The following SLC8A3 variants were observed in gnomAD, a reference collection of about 807,000 sequenced individuals.
SLC8A3 encodes sodium/calcium exchanger 3.
SLC8A3 carries 37 observed loss-of-function variants against 65.4 expected under a neutral mutation model. The observed-to-expected ratio is 0.57, with a 90% CI of 0.44 to 0.74. The LOEUF (loss-of-function observed/expected upper bound fraction) is 0.74. Ranked by LOEUF, SLC8A3 falls within the 30% of genes least tolerant of loss-of-function variation. The pLI, the probability that SLC8A3 is intolerant of heterozygous loss-of-function variation, is 0.00. For missense variants in SLC8A3, 1,112 were observed against 1,172.1 expected (o/e 0.95, Z 0.75); for synonymous variants, 461 against 444.5 (o/e 1.04, Z -0.47).
Position 70,045,008 on chromosome 14 carries a change from C to T in SLC8A3, c.*939G>A, listed in dbSNP as rs1037719435. The T allele has an allele frequency of 1.3e-5, 2 of 152,188 alleles. No homozygotes were observed. The highest frequency in any genetic ancestry group is 2.9e-5 in the Non-Finnish European group (2 of 68,050). The allele number at this position is 152,188 out of a possible 1,614,324, so 9.4% of individuals were successfully genotyped here. A position where few individuals can be genotyped will look rare whatever the true frequency, so the allele number is the denominator to read the frequency against. On this transcript the variant is annotated 3_prime_UTR_variant, in exon 7 of 7. Transcript: ENST00000356921. The stretch of plus-strand genomic sequence containing the variant: ...CCAGTAGCCCTTTGTCGTCACACAC[C>T]ATTCCTATTTTTGTCCCATCTCTTC...
intron 2 of SLC8A3, among the ~76,000 whole-genome samples, chr14:70,075,023 A>G (rs1307603882): frequency 6.6e-6 from 1 of 150,632 alleles, no homozygotes; most frequent in Non-Finnish European, 1.5e-5. Flanking sequence ...CAAGGAAGAC[A>G]AGAGATTGTT....
intron 2 of SLC8A3, among the ~76,000 whole-genome samples, chr14:70,162,251 G>A (rs1046817593): frequency 2.0e-5 from 3 of 152,112 alleles, no homozygotes; most frequent in Non-Finnish European, 4.4e-5. Context: ...GATGGGAAAG[G>A]GCAGAGAGAA....
intron 2 of SLC8A3, among the ~76,000 whole-genome samples, chr14:70,150,390 C>G (rs1896194234): frequency 6.6e-6 from 1 of 152,206 alleles, no homozygotes; most frequent in Non-Finnish European, 1.5e-5. Flanking sequence ...TCATGCTGCT[C>G]TATTACCCCC....
At chr14:70,172,160 C>CG (rs1286028749) in intron 1 of SLC8A3, among the ~76,000 whole-genome samples, 8 of 152,258 alleles carry the variant, frequency 5.3e-5, no homozygotes, top group African/African-American at 1.4e-4. Flanking sequence ...TTCCCCCACC[C>CG]AGGACCACCC....
At chr14:70,174,232 G>A (rs550578015) in intron 1 of SLC8A3, among the ~76,000 whole-genome samples, 4 of 152,178 alleles carry the variant, frequency 2.6e-5, no homozygotes, top group African/African-American at 4.8e-5. Flanking sequence ...GGAGGCCCCC[G>A]ACAAGCTTGG....
intron 2 of SLC8A3, among the ~76,000 whole-genome samples, chr14:70,111,514 C>G (rs567831211): frequency 6.6e-6 from 1 of 152,286 alleles, no homozygotes; most frequent in African/African-American, 2.4e-5. Context: ...TATTTGTTAT[C>G]ATAAGCGAAG....
chr14:70,148,954 C>A (rs1167356477), intron 2 of SLC8A3, among the ~76,000 whole-genome samples: 1 of 152,154 alleles, frequency 6.6e-6, no homozygotes, highest in East Asian at 1.9e-4. Flanking sequence ...TGGCAAATTT[C>A]AGTTAAGGGC....
intron 2 of SLC8A3, among the ~76,000 whole-genome samples, chr14:70,127,265 G>T (rs899939520): frequency 3.3e-5 from 5 of 152,146 alleles, no homozygotes; most frequent in African/African-American, 9.7e-5. Context: ...GCGACTAGGT[G>T]ATACCAAGAC....
chr14:70,085,935 T>C (rs972928751), intron 2 of SLC8A3, among the ~76,000 whole-genome samples: 5 of 152,214 alleles, frequency 3.3e-5, no homozygotes, highest in Admixed American at 6.5e-5. Flanking sequence ...AAGTCACAGC[T>C]AATAAATGAT....
intron 2 of SLC8A3, among the ~76,000 whole-genome samples, chr14:70,065,069 C>A (rs1017992197): frequency 6.6e-6 from 1 of 152,322 alleles, no homozygotes; most frequent in African/African-American, 2.4e-5. Flanking sequence ...GAGCCCTGGG[C>A]AGTGGCCATG....
At chr14:70,157,437 G>A (rs1896638166) in intron 2 of SLC8A3, among the ~76,000 whole-genome samples, 1 of 152,160 alleles carries the variant, frequency 6.6e-6, no homozygotes. Flanking sequence ...CTCATATGTG[G>A]TCAGTGGTCT....
At position 70,167,369 on chromosome 14, in the gene SLC8A3, C is replaced by T. The variant is rs1381393122; in HGVS notation, c.1054G>A (p.Ala352Thr). 20 of 1,613,970 alleles carry T rather than the reference C, an allele frequency of 1.2e-5. No homozygotes were observed. The highest frequency in any genetic ancestry group is 1.6e-5 in the Non-Finnish European group (19 of 1,179,872). Reference protein sequence around the residue: ...YALSHQQKSRAFYRIQATRMM... With the variant: ...YALSHQQKSRTFYRIQATRMM... Reference sequence around the variant, plus strand: ...CGAGTGGCTTGGATACGGTAGAAGGCACGGCTCTTCTGTTGGTGGGAAAGA... The same window carrying T: ...CGAGTGGCTTGGATACGGTAGAAGGTACGGCTCTTCTGTTGGTGGGAAAGA... Residue 352 changes from alanine to threonine, a missense_variant, in exon 2 of 7, where the codon GCC becomes ACC. By Grantham distance (58) the Ala-to-Thr change is moderately conservative. Transcript: ENST00000356921.
chr14:70,100,200 G>A (rs1892469947), intron 2 of SLC8A3, among the ~76,000 whole-genome samples: 1 of 152,220 alleles, frequency 6.6e-6, no homozygotes, highest in Non-Finnish European at 1.5e-5. Flanking sequence ...GAGCCAAAGT[G>A]TTGCTTAGAA....
chr14:70,067,225 C>T (rs1015609064), intron 2 of SLC8A3, among the ~76,000 whole-genome samples: 4 of 152,192 alleles, frequency 2.6e-5, no homozygotes, highest in Admixed American at 2.0e-4. Flanking sequence ...TCGTTTGCGT[C>T]TCTGAGTAAA....
intron 1 of SLC8A3, among the ~76,000 whole-genome samples, chr14:70,174,697 T>C (rs1411358310): frequency 7.5e-6 from 1 of 133,082 alleles, no homozygotes; most frequent in Non-Finnish European, 1.6e-5. Flanking sequence ...TTTTGCCTAT[T>C]AAGGCCAAAC....
At chr14:70,177,773 G>C (rs565024053) in intron 1 of SLC8A3, among the ~76,000 whole-genome samples, 3 of 152,230 alleles carry the variant, frequency 2.0e-5, no homozygotes, top group Non-Finnish European at 2.9e-5. Context: ...AGGCAATAAG[G>C]AAGCACTGAA....
intron 2 of SLC8A3, among the ~76,000 whole-genome samples, chr14:70,125,917 T>G (rs992845799): frequency 6.6e-6 from 1 of 152,228 alleles, no homozygotes; most frequent in African/African-American, 2.4e-5. Context: ...ATCACAGAAG[T>G]CCTGGCTTTA....
intron 2 of SLC8A3, among the ~76,000 whole-genome samples, chr14:70,065,241 G>T (rs756444910): frequency 2.0e-5 from 3 of 152,144 alleles, no homozygotes; most frequent in Non-Finnish European, 2.9e-5. Flanking sequence ...CACCATTAGA[G>T]CTTTGGATGT....
chr14:70,072,295 G>A (rs1038818689), intron 2 of SLC8A3, among the ~76,000 whole-genome samples: 1 of 152,146 alleles, frequency 6.6e-6, no homozygotes, highest in Non-Finnish European at 1.5e-5. Flanking sequence ...GCATGATTAT[G>A]GACCTAGGGT....
Sources: gnomAD v4.1 joint callset for allele counts (sites outside exome capture counted in the v4.1 genomes callset) on GRCh38, gnomAD v4.1.1 for gene constraint, MANE v1.5 for transcripts, NCBI Gene and HGNC (gene_info 2026-07-23, HGNC 2026-07-21) for gene names.